Variants in PPP4R3B observed in about 807,000 individuals in gnomAD.
The protein encoded by PPP4R3B is serine/threonine-protein phosphatase 4 regulatory subunit 3B.
A neutral mutation model predicts 95.4 loss-of-function variants in PPP4R3B; 52 were observed. The ratio of observed to expected loss-of-function variants is 0.54; its 90% CI spans 0.44 to 0.69. The LOEUF is 0.69. Ranked by LOEUF, PPP4R3B falls within the 30% of genes least tolerant of loss-of-function variation. The pLI is 0.00. For missense variants in PPP4R3B, 1,003 were observed against 1,005.9 expected (o/e 1.00, Z 0.04); for synonymous variants, 407 against 343.9 (o/e 1.18, Z -2.03).
At chr2:55,579,052 C>T (rs1689084244) in intron 9 of PPP4R3B, among the ~76,000 whole-genome samples, 1 of 151,990 alleles carries the variant, frequency 6.6e-6, no homozygotes. Context: ...CTATAATTAC[C>T]TAGAGGGATA....
At chr2:55,611,333 C>T (rs1234698873) in intron 2 of PPP4R3B, among the ~76,000 whole-genome samples, 1 of 152,100 alleles carries the variant, frequency 6.6e-6, no homozygotes, top group Non-Finnish European at 1.5e-5. Flanking sequence ...GGCTTTGACT[C>T]TGCTTTTGAT....
Position 55,604,689 on chromosome 2 carries a change from T to C in PPP4R3B, c.199-613A>G, listed in dbSNP as rs78433816. Reference sequence around the variant, plus strand: ...CCCAAGGTTTAGGTAAGCAGTCTCCTAGAATGTCTTCAATTATATGCCTAC... The same window carrying C: ...CCCAAGGTTTAGGTAAGCAGTCTCCCAGAATGTCTTCAATTATATGCCTAC... On this transcript the variant is annotated intron_variant, in intron 2 of 16. Coordinates refer to ENST00000616407, the MANE Select transcript of PPP4R3B (RefSeq NM_001122964.3). Among the ~76,000 whole-genome samples the C allele has an allele frequency of 1.0e-3, 154 of 152,288 alleles. 1 individual carries two copies. Among genetic ancestry groups the C allele is most frequent in the African/African-American group, 3.1e-3 (127 of 41,566 alleles).
chr2:55,616,922 G>C (rs1695028357), intron 1 of PPP4R3B, among the ~76,000 whole-genome samples: 1 of 152,092 alleles, frequency 6.6e-6, no homozygotes, highest in African/African-American at 2.4e-5. Context: ...AAAGGAAGGA[G>C]TCCAATCCTT....
At chr2:55,558,630 A>C in intron 16 of PPP4R3B, 145 bp downstream of exon 16, 1 of 606,972 alleles carries the variant, frequency 1.6e-6, no homozygotes, top group Non-Finnish European at 2.8e-6. Context: ...AAATAAAATA[A>C]AATTCTACAA....
chr2:55,584,785 G>T (rs990610176), intron 7 of PPP4R3B, among the ~76,000 whole-genome samples: 1 of 152,112 alleles, frequency 6.6e-6, no homozygotes, highest in Non-Finnish European at 1.5e-5. Context: ...ATTAACACTT[G>T]AAATTTAAGA....
intron 6 of PPP4R3B, among the ~76,000 whole-genome samples, chr2:55,585,947 CATG>C (rs66559829): frequency 0.13 from 20,012 of 151,916 alleles, 2,652 homozygotes; most frequent in African/African-American, 0.34. Flanking sequence ...GGCTGTGTGA[CATG>C]ATATCACCAC....
chr2:55,581,968 G>A (rs1211987707), intron 7 of PPP4R3B, among the ~76,000 whole-genome samples: 1 of 151,834 alleles, frequency 6.6e-6, no homozygotes, highest in Non-Finnish European at 1.5e-5. Flanking sequence ...CTTATAGGAA[G>A]TGGAAAACAA....
chr2:55,598,312 C>T, intron 4 of PPP4R3B, 104 bp downstream of exon 4: 1 of 1,215,176 alleles, frequency 8.2e-7, no homozygotes, highest in Non-Finnish European at 1.1e-6. Flanking sequence ...TACATTTAAA[C>T]AAAATAAATC....
intron 2 of PPP4R3B, among the ~76,000 whole-genome samples, chr2:55,609,080 C>A (rs148659505): frequency 0.01 from 1,543 of 152,270 alleles, 13 homozygotes; most frequent in Non-Finnish European, 0.012. Flanking sequence ...GTGGTCAGAT[C>A]AACAAGACTC....
intron 4 of PPP4R3B, chr2:55,591,415 C>G (rs552067719): frequency 1.8e-6 from 1 of 567,352 alleles, no homozygotes; most frequent in Non-Finnish European, 2.2e-6. Flanking sequence ...AGTGCTAGGA[C>G]TACAGGCATG....
chr2:55,603,680 T>C (rs1692969914), intron 3 of PPP4R3B, among the ~76,000 whole-genome samples: 1 of 152,230 alleles, frequency 6.6e-6, no homozygotes, highest in Non-Finnish European at 1.5e-5. Flanking sequence ...AAGCTTGATT[T>C]AATTACTTAA....
intron 1 of PPP4R3B, among the ~76,000 whole-genome samples, chr2:55,616,082 G>A (rs1694885194): frequency 2.6e-5 from 4 of 151,770 alleles, no homozygotes; most frequent in Admixed American, 2.0e-4. Context: ...CAAGGAATGA[G>A]GAGACTAGAT....
At chr2:55,607,340 C>T (rs907672633) in intron 2 of PPP4R3B, among the ~76,000 whole-genome samples, 3 of 152,192 alleles carry the variant, frequency 2.0e-5, no homozygotes, top group Non-Finnish European at 2.9e-5. Context: ...AGACTGCCCC[C>T]TACTTCTAAT....
chr2:55,592,224 T>C (rs1231813922), intron 4 of PPP4R3B, among the ~76,000 whole-genome samples: 2 of 152,140 alleles, frequency 1.3e-5, no homozygotes, highest in Non-Finnish European at 2.9e-5. Context: ...AAGTCCAATT[T>C]TAAATTTCAA....
intron 3 of PPP4R3B, among the ~76,000 whole-genome samples, chr2:55,600,815 G>GA (rs1372023825): frequency 6.6e-6 from 1 of 151,676 alleles, no homozygotes; most frequent in Non-Finnish European, 1.5e-5. Flanking sequence ...GTAAAAGAGG[G>GA]AAAAAAACAT....
chr2:55,567,501 C>T (rs764908506), intron 13 of PPP4R3B, among the ~76,000 whole-genome samples: 64 of 152,248 alleles, frequency 4.2e-4, no homozygotes, highest in South Asian at 2.1e-3. Context: ...ACTGCAACCC[C>T]ACCTCCTGGA....
intron 13 of PPP4R3B, among the ~76,000 whole-genome samples, chr2:55,566,361 A>G (rs954612069): frequency 6.6e-6 from 1 of 152,208 alleles, no homozygotes. Context: ...CACAAAAACA[A>G]TTCCATCATG....
Position 55,609,733 on chromosome 2 carries a change from A to C in PPP4R3B, c.199-5657T>G, listed in dbSNP as rs75851050. 7.5e-3 allele frequency among the ~76,000 whole-genome samples: 1,139 copies of C among 152,194 alleles called. 20 individuals are homozygous for C. The highest frequency in any genetic ancestry group is 0.026 in the African/African-American group (1,090 of 41,540). ...TTTATTTTACTGTATGTAACTTCAA[A>C]GCCCGGATGGAAAAGAAAAAAAAAG... On this transcript the variant is annotated intron_variant, in intron 2 of 16. Coordinates refer to ENST00000616407, the MANE Select transcript of PPP4R3B (RefSeq NM_001122964.3).
At chr2:55,557,081 G>A (rs1156735098) in intron 16 of PPP4R3B, among the ~76,000 whole-genome samples, 1 of 152,064 alleles carries the variant, frequency 6.6e-6, no homozygotes, top group East Asian at 1.9e-4. Context: ...CGACGACGAC[G>A]ACGAAGCAGG....
Sources: gnomAD v4.1 joint callset for allele counts (sites outside exome capture counted in the v4.1 genomes callset) on GRCh38, gnomAD v4.1.1 for gene constraint, MANE v1.5 for transcripts, NCBI Gene and HGNC (gene_info 2026-07-23, HGNC 2026-07-21) for gene names.